The following COL16A1 variants were observed in gnomAD, a reference collection of about 807,000 sequenced individuals.
COL16A1 encodes collagen type XVI alpha 1 chain, also known as collagen alpha-1(XVI) chain.
COL16A1 carries 189 observed loss-of-function variants against 266.3 expected under a neutral mutation model. That is an observed-to-expected ratio of 0.71 (90% CI 0.63 to 0.80). The LOEUF (loss-of-function observed/expected upper bound fraction) is 0.80. Among genes scored for constraint, COL16A1 ranks in the 30% least tolerant of loss-of-function variants. The pLI, the probability that COL16A1 is intolerant of heterozygous loss-of-function variation, is 0.00. For missense variants in COL16A1, 1,928 were observed against 2,122.4 expected (o/e 0.91, Z 1.80); for synonymous variants, 740 against 782.3 (o/e 0.95, Z 0.90).
intron 68 of COL16A1, 68 bp from the exon 69 acceptor site, chr1:31,654,111 GC>G (rs1640890700): frequency 5.2e-6 from 8 of 1,550,526 alleles, no homozygotes; most frequent in Non-Finnish European, 7.0e-6. Flanking sequence ...GACTGCAGAT[GC>G]TGCATATAGG....
At chr1:31,681,165 C>T in intron 37 of COL16A1, 98 bp from the exon 38 acceptor site, 1 of 1,466,758 alleles carries the variant, frequency 6.8e-7, no homozygotes. Flanking sequence ...AGAAGCAGCG[C>T]CAGGTTCCCC....
intron 26 of COL16A1, among the ~76,000 whole-genome samples, chr1:31,687,381 C>CAAA (rs60096709): frequency 9.2e-4 from 55 of 59,750 alleles, no homozygotes; most frequent in African/African-American, 2.8e-3. Context: ...GACTCAGTCT[C>CAAA]AAAAAAAAAA....
At chr1:31,684,704 C>T (rs1643886810) in intron 30 of COL16A1, 74 bp from the exon 31 acceptor site, 2 of 1,607,420 alleles carry the variant, frequency 1.2e-6, no homozygotes, top group African/African-American at 1.3e-5. Flanking sequence ...GACTCGCAGG[C>T]ACTCACACTC....
chr1:31,673,976 C>T (rs989147946), intron 44 of COL16A1, among the ~76,000 whole-genome samples: 6 of 152,232 alleles, frequency 3.9e-5, no homozygotes, highest in Non-Finnish European at 7.3e-5. Context: ...TGGAGTCACA[C>T]GATCACTGCC....
chr1:31,692,973 C>G (rs1243347757), intron 13 of COL16A1, 119 bp downstream of exon 13: 14 of 957,852 alleles, frequency 1.5e-5, no homozygotes, highest in Non-Finnish European at 2.1e-5. Context: ...ACCCCCCTCC[C>G]GTGATCTGGG....
intron 20 of COL16A1, among the ~76,000 whole-genome samples, chr1:31,690,801 C>T (rs1644228749): frequency 6.6e-6 from 1 of 152,174 alleles, no homozygotes; most frequent in South Asian, 2.1e-4. Flanking sequence ...TGCCCCTTCA[C>T]TGGTGCACAG....
chr1:31,664,469 G>A lies in COL16A1; in HGVS notation c.3555+703C>T, dbSNP rs1641957906. 6.6e-6 allele frequency among the ~76,000 whole-genome samples: 1 copy of A among 152,106 alleles called. No homozygotes were observed. Among genetic ancestry groups the A allele is most frequent in the African/African-American group, 2.4e-5 (1 of 41,416 alleles). On this transcript the variant is annotated intron_variant, in intron 56 of 70. Transcript: ENST00000373672. The surrounding 1 kb of genome is among the most constrained non-coding windows in gnomAD (Gnocchi z 5.5). ...CTGTCCCTCTGAACCCAGGTCCCCC[G>A]ACCCCAAGCTCAGAAGTCAATCTTC... is the stretch of plus-strand genomic sequence containing the variant.
In COL16A1 at chr1:31,692,792, C is replaced by A; in HGVS notation, c.1088G>T (p.Arg363Leu). The change falls in exon 14 of 71, where the codon CGA becomes CTA. Residue 363 changes from arginine (R) to leucine (L), a missense_variant. Physicochemically the swap from Arg to Leu is moderately radical, Grantham distance 102. Transcript: ENST00000373672. ...EKGARGNDCVRISPDAPLQCA... is the reference protein window; with the variant it reads ...EKGARGNDCVLISPDAPLQCA... ...CTGAAGTGGGGCATCCGGGGAGATTCGAACACAGTCATTGCCCTGGGAGTA... is the reference window on the plus strand; with the variant it reads ...CTGAAGTGGGGCATCCGGGGAGATTAGAACACAGTCATTGCCCTGGGAGTA... 3 of 1,613,826 alleles carry A rather than the reference C, an allele frequency of 1.9e-6. No homozygotes were observed. The South Asian group carries it at 3.3e-5, about 18-fold the overall frequency.
chr1:31,683,843 G>C (rs1418332182), intron 33 of COL16A1, 95 bp from the exon 34 acceptor site: 73 of 1,605,100 alleles, frequency 4.5e-5, no homozygotes, highest in Non-Finnish European at 6.0e-5. Flanking sequence ...TTCCTGCCCT[G>C]CACCCTGCCT....
rs775517471 is a variant in COL16A1 at position 31,697,183 on chromosome 1, G to A, written c.738+37C>T. The A allele has an allele frequency of 1.9e-6, 3 of 1,612,150 alleles. No homozygotes were observed. The highest frequency in any genetic ancestry group is 2.5e-6 in the Non-Finnish European group (3 of 1,179,500). ...CTTCCAGACCCTCATCTCCAGCACA[G>A]TGTGTCCCTGGGCAGCCCAAGGGCC... On this transcript the variant is annotated intron_variant, in intron 7 of 70. Transcript: ENST00000373672. The surrounding 1 kb of genome is among the most constrained non-coding windows in gnomAD (Gnocchi z 4.2).
In COL16A1 at chr1:31,690,322, G is replaced by T. The variant is rs372134183; in HGVS notation, c.1509+45C>A. The T allele has an allele frequency of 2.0e-5, 32 of 1,611,962 alleles. No individual in the cohort carries two copies. In the South Asian group the frequency reaches 3.5e-4, roughly 18 times the overall value. ...TGCTCACTGTCATGTGCAGAAAGGGGGTCCCGTTCCCACCCCGATCTGGGC... is the reference window on the plus strand; with the variant it reads ...TGCTCACTGTCATGTGCAGAAAGGGTGTCCCGTTCCCACCCCGATCTGGGC... On this transcript the variant is annotated intron_variant, in intron 22 of 70. Transcript: ENST00000373672.
intron 27 of COL16A1, 51 bp downstream of exon 27, chr1:31,686,193 C>T (rs757958669): frequency 5.6e-6 from 9 of 1,614,064 alleles, no homozygotes; most frequent in South Asian, 3.3e-5. Flanking sequence ...TGCCTATCAG[C>T]CCCTCCCACC....
In COL16A1 at chr1:31,695,172, C is replaced by T; in HGVS notation, c.981+14G>A. The T allele has an allele frequency of 6.2e-7, 1 of 1,613,738 alleles. No individual in the cohort carries two copies. The highest frequency in any genetic ancestry group is 8.5e-7 in the Non-Finnish European group (1 of 1,179,886). On this transcript the variant is annotated intron_variant, in intron 11 of 70. Transcript: ENST00000373672. ...TCTTGCCCGCTCCACCCTGCACACC[C>T]TCCATTCACTCACATTGCTGTCCCG...
chr1:31,681,590 T>C (rs1353217726), intron 37 of COL16A1, among the ~76,000 whole-genome samples: 2 of 152,046 alleles, frequency 1.3e-5, no homozygotes, highest in African/African-American at 4.8e-5. Flanking sequence ...CCCTAGCGAG[T>C]GTGGGGCTGA....
In COL16A1 at chr1:31,672,595, C is replaced by A. The variant is rs1310969885; in HGVS notation, c.3018+1G>T. Reference sequence around the variant, plus strand: ...CGGGGGAGATAAGGCGAGGCACTCACCCGGGCCTCCTCGGCTCTTGGGCGC... The same window carrying A: ...CGGGGGAGATAAGGCGAGGCACTCAACCGGGCCTCCTCGGCTCTTGGGCGC... On this transcript the variant is annotated splice_donor_variant, in intron 46 of 70. Transcript: ENST00000373672. LOFTEE classifies it high-confidence loss of function. 1 of 1,606,942 alleles carries A rather than the reference C, an allele frequency of 6.2e-7. No individual in the cohort carries two copies. Among genetic ancestry groups the A allele is most frequent in the African/African-American group, 1.3e-5 (1 of 74,786 alleles).
chr1:31,685,961 T>G lies in COL16A1; in HGVS notation c.1884+130A>C. 2.7e-6 allele frequency: 4 copies of G among 1,492,074 alleles called. No homozygotes were observed. The highest frequency in any genetic ancestry group is 3.6e-6 in the Non-Finnish European group (4 of 1,099,742). The allele number at this position is 1,492,074 out of a possible 1,614,324, so 92.4% of individuals were successfully genotyped here. On this transcript the variant is annotated intron_variant, in intron 28 of 70. Transcript: ENST00000373672. The surrounding 1 kb of genome is among the most constrained non-coding windows in gnomAD (Gnocchi z 4.0). ...GGAGCTGAGTCATCAGGGGTCTCCATGCCTTGCTAAGGAGTCAGACTCTGC... is the reference window on the plus strand; with the variant it reads ...GGAGCTGAGTCATCAGGGGTCTCCAGGCCTTGCTAAGGAGTCAGACTCTGC...
In COL16A1 at chr1:31,681,063, C is replaced by A; in HGVS notation, c.2543G>T (p.Arg848Leu). 2 of 1,612,480 alleles carry A rather than the reference C, an allele frequency of 1.2e-6. No individual in the cohort carries two copies. Among genetic ancestry groups the A allele is most frequent in the Non-Finnish European group, 1.7e-6 (2 of 1,179,328 alleles). The change falls in exon 38 of 71, where the codon CGT (arginine) becomes CTT (leucine). Residue 848 changes from arginine to leucine, a missense_variant. Coordinates refer to ENST00000373672, the MANE Select transcript of COL16A1 (RefSeq NM_001856.4). ...PGASVSGPPG[R>L]DGQQGQTGLR... ...TCCCGTCTGTCCTTGCTGCCCATCA[C>A]GGCCCTGAAGAGAGAGAGCCCAGAG... is the stretch of plus-strand genomic sequence containing the variant.
intron 22 of COL16A1, 143 bp from the exon 23 acceptor site, chr1:31,689,994 C>A: frequency 3.0e-6 from 2 of 676,270 alleles, no homozygotes; most frequent in Non-Finnish European, 5.1e-6. Context: ...AGGAATGCCG[C>A]TGGGGCTTCC....
intron 8 of COL16A1, among the ~76,000 whole-genome samples, chr1:31,696,546 C>G (rs747099850): frequency 6.6e-6 from 1 of 152,244 alleles, no homozygotes; most frequent in Non-Finnish European, 1.5e-5. Flanking sequence ...CAGTCTGGCC[C>G]TGGCCGGCGC....
Sources: gnomAD v4.1 joint callset for allele counts (sites outside exome capture counted in the v4.1 genomes callset) on GRCh38, gnomAD v4.1.1 for gene constraint, Gnocchi (gnomAD v3.1) non-coding constraint, MANE v1.5 for transcripts, NCBI Gene and HGNC (gene_info 2026-07-23, HGNC 2026-07-21) for gene names.